Variants in MLIP observed in about 807,000 individuals in gnomAD.
The protein encoded by MLIP is muscular LMNA interacting protein.
MLIP carries 79 observed loss-of-function variants against 84.8 expected under a neutral mutation model. That is an observed-to-expected ratio of 0.93 (90% confidence interval 0.78 to 1.12). The LOEUF (loss-of-function observed/expected upper bound fraction) is 1.12. Among genes scored for constraint, MLIP ranks in the 50% most tolerant of loss-of-function variants. The pLI, the probability that MLIP is intolerant of heterozygous loss-of-function variation, is 0.00. For missense variants in MLIP, 1,257 were observed against 1,160.6 expected (o/e 1.08, Z -1.21); for synonymous variants, 504 against 463.0 (o/e 1.09, Z -1.14).
At chr6:54,147,428 C>A (rs1177940249) in intron 4 of MLIP, among the ~76,000 whole-genome samples, 1 of 151,956 alleles carries the variant, frequency 6.6e-6, no homozygotes, top group Non-Finnish European at 1.5e-5. Flanking sequence ...GTCTAGAGAC[C>A]ACAGCAGTGC....
At chr6:54,244,400 CAT>C (rs1781938964) in intron 12 of MLIP, among the ~76,000 whole-genome samples, 1 of 152,112 alleles carries the variant, frequency 6.6e-6, no homozygotes, top group African/African-American at 2.4e-5. Flanking sequence ...GAAGTCAAAA[CAT>C]GTACACTATT....
intron 13 of MLIP, among the ~76,000 whole-genome samples, chr6:54,260,416 C>T (rs1783305496): frequency 6.6e-6 from 1 of 151,958 alleles, no homozygotes; most frequent in Non-Finnish European, 1.5e-5. Flanking sequence ...CCATTCCAGA[C>T]AAATTAATAA....
In MLIP at chr6:54,137,829, C is replaced by T. The variant is rs746730961; in HGVS notation, c.1760C>T (p.Ala587Val). Residue 587 changes from alanine (A) to valine (V), a missense_variant, in exon 4 of 14, where the codon GCC becomes GTC. Transcript: ENST00000502396. ...ATTCACACGTACCCTTCTACATTAG[C>T]CTCCTCTGCATTATCTTCTCTATCT... is the stretch of plus-strand genomic sequence containing the variant. ...RNIHTYPSTL[A>V]SSALSSLSPP... 5.2e-6 allele frequency: 8 copies of T among 1,535,966 alleles called. No individual in the cohort carries two copies. The highest frequency in any genetic ancestry group is 7.0e-6 in the Non-Finnish European group (8 of 1,146,906).
chr6:54,070,459 T>C (rs1342715093), intron 1 of MLIP, among the ~76,000 whole-genome samples: 1 of 152,194 alleles, frequency 6.6e-6, no homozygotes. Flanking sequence ...TCCAAGCTGA[T>C]AGCTAATGTA....
At chr6:54,083,812 C>T (rs116698073) in intron 1 of MLIP, among the ~76,000 whole-genome samples, 144 of 152,188 alleles carry the variant, frequency 9.5e-4, no homozygotes, top group Non-Finnish European at 1.8e-3. Context: ...GCATGCTCAA[C>T]TTTAGAATTG....
Position 54,169,568 on chromosome 6 carries a change from A to C in MLIP, c.2540A>C (p.Lys847Thr). ...CCAAGAGCAGCTGGTCGAGAAACCA[A>C]ATATGTAAGTACCTTTATAATTATA... ...TLPRAAGRET[K>T]YANLSSPSST... The change falls in exon 9 of 14, where the codon AAA becomes ACA. Residue 847 changes from lysine to threonine, a missense_variant. Transcript: ENST00000502396. 1 of 1,587,934 alleles carries C rather than the reference A, an allele frequency of 6.3e-7. No individual in the cohort carries two copies. Among genetic ancestry groups the C allele is most frequent in the Non-Finnish European group, 8.6e-7 (1 of 1,166,204 alleles).
chr6:54,258,732 CTTAAG>C (rs955507874), intron 13 of MLIP, among the ~76,000 whole-genome samples: 13 of 151,922 alleles, frequency 8.6e-5, no homozygotes, highest in African/African-American at 2.7e-4. Flanking sequence ...ATAAAACATT[CTTAAG>C]TTAACTACTA....
chr6:54,249,462 G>A (rs1463431835), intron 12 of MLIP, among the ~76,000 whole-genome samples: 1 of 151,560 alleles, frequency 6.6e-6, no homozygotes, highest in Non-Finnish European at 1.5e-5. Context: ...AAGACATATA[G>A]CTAATTCTTT....
intron 11 of MLIP, among the ~76,000 whole-genome samples, chr6:54,208,771 C>T (rs1260800559): frequency 6.6e-6 from 1 of 152,074 alleles, no homozygotes; most frequent in Non-Finnish European, 1.5e-5. Context: ...TTTTTATTTG[C>T]CAGTTTATGT....
chr6:54,034,411 A>G (rs1024387463), intron 1 of MLIP, among the ~76,000 whole-genome samples: 23 of 152,220 alleles, frequency 1.5e-4, no homozygotes, highest in Admixed American at 2.6e-4. Context: ...TGAACTGCAT[A>G]TATGATGGTG....
chr6:54,235,613 C>T (rs1003394383), intron 12 of MLIP, among the ~76,000 whole-genome samples: 1 of 152,154 alleles, frequency 6.6e-6, no homozygotes, highest in Non-Finnish European at 1.5e-5. Flanking sequence ...ACAATTTCTA[C>T]AACTACCTAA....
intron 9 of MLIP, among the ~76,000 whole-genome samples, chr6:54,188,990 C>T (rs1269958386): frequency 3.3e-5 from 5 of 152,176 alleles, no homozygotes; most frequent in African/African-American, 4.8e-5. Flanking sequence ...AATTCTGCGT[C>T]CAGTTGGACT....
intron 1 of MLIP, among the ~76,000 whole-genome samples, chr6:54,048,487 A>G (rs1176781714): frequency 6.6e-6 from 1 of 152,152 alleles, no homozygotes. Context: ...GTGTTTGGGC[A>G]TGCACCCAGT....
At chr6:54,237,798 C>A (rs896619506) in intron 12 of MLIP, among the ~76,000 whole-genome samples, 2 of 151,950 alleles carry the variant, frequency 1.3e-5, no homozygotes, top group Non-Finnish European at 2.9e-5. Flanking sequence ...TGCACTGAAC[C>A]GTGATTGTGT....
intron 3 of MLIP, among the ~76,000 whole-genome samples, chr6:54,133,379 T>C (rs186101207): frequency 1.1e-4 from 17 of 152,236 alleles, no homozygotes; most frequent in Admixed American, 9.8e-4. Context: ...CAATAATAGC[T>C]AAGTTTAGGA....
At chr6:54,031,816 C>T (rs1305771339) in intron 1 of MLIP, 1 of 152,150 alleles carries the variant, frequency 6.6e-6, no homozygotes, top group Admixed American at 6.5e-5. Context: ...ATCAGTCATG[C>T]TGAGTAAAAA....
At chr6:54,108,722 G>A (rs1769201016), upstream of MLIP, among the ~76,000 whole-genome samples, 1 of 152,186 alleles carries the variant, frequency 6.6e-6, no homozygotes, top group South Asian at 2.1e-4. Context: ...AATGACTCAA[G>A]AAAGAATCTG....
chr6:54,020,285 A>G (rs937138112), intron 1 of MLIP, among the ~76,000 whole-genome samples: 3 of 152,196 alleles, frequency 2.0e-5, no homozygotes, highest in Non-Finnish European at 4.4e-5. Flanking sequence ...ACTATAATGT[A>G]TGTGAAGTCC....
intron 9 of MLIP, among the ~76,000 whole-genome samples, chr6:54,187,478 A>T (rs894489497): frequency 5.9e-5 from 9 of 152,212 alleles, no homozygotes; most frequent in Admixed American, 1.3e-4. Flanking sequence ...CGTGTTATAG[A>T]TATTATAAGA....
Sources: allele counts gnomAD v4.1 joint callset (sites outside exome capture counted in the v4.1 genomes callset), GRCh38; gene constraint gnomAD v4.1.1; transcripts MANE v1.5; gene names NCBI Gene and HGNC (gene_info 2026-07-23, HGNC 2026-07-21).